ZNF385D: variants seen among roughly 807,000 people sequenced by gnomAD.
ZNF385D encodes the protein zinc finger protein 659.
In ZNF385D, 15 loss-of-function variants were observed where a neutral mutation model predicts 35.8. The observed-to-expected ratio is 0.42, with a 90% CI of 0.28 to 0.64. The LOEUF is 0.64. ZNF385D is among the 30% of genes least tolerant of loss of function. The pLI is 0.23. For missense variants in ZNF385D, 474 were observed against 494.6 expected (o/e 0.96, Z 0.39); for synonymous variants, 212 against 186.8 (o/e 1.13, Z -1.10).
chr3:22,204,228 C>T (rs1696997883), intron 2 of ZNF385D, among the ~76,000 whole-genome samples: 1 of 152,046 alleles, frequency 6.6e-6, no homozygotes, highest in Admixed American at 6.6e-5. Context: ...TCTTCTGGAT[C>T]TTATCCAAGA....
chr3:22,244,364 T>TAAAAAAAA (rs34497539), intron 2 of ZNF385D, among the ~76,000 whole-genome samples: 18 of 62,558 alleles, frequency 2.9e-4, no homozygotes, highest in Non-Finnish European at 4.1e-4. Context: ...CAACCGAATG[T>TAAAAAAAA]AAAAAAAAAA....
chr3:22,133,912 A>G (rs539805108), intron 3 of ZNF385D: 39 of 152,252 alleles, frequency 2.6e-4, no homozygotes, highest in African/African-American at 7.7e-4. Context: ...TGCCAGAAAA[A>G]AAAACAACCT....
intron 3 of ZNF385D, among the ~76,000 whole-genome samples, chr3:22,048,118 A>G (rs1203509300): frequency 6.6e-6 from 1 of 151,970 alleles, no homozygotes; most frequent in Non-Finnish European, 1.5e-5. Flanking sequence ...ATTGAGTTCC[A>G]TATATATTTT....
At chr3:21,750,608 G>C (rs1476966904) in intron 1 of ZNF385D, among the ~76,000 whole-genome samples, 1 of 152,034 alleles carries the variant, frequency 6.6e-6, no homozygotes, top group African/African-American at 2.4e-5. Flanking sequence ...CTAGCTAAAA[G>C]AGCCAACTTC....
At position 22,181,184 on chromosome 3, in the gene ZNF385D, A is replaced by G. The variant is rs541666956; in HGVS notation, c.107-12149T>C. Among the ~76,000 whole-genome samples the G allele has an allele frequency of 2.0e-5, 3 of 152,134 alleles. No homozygotes were observed. The South Asian group carries it at 6.2e-4, about 32-fold the overall frequency. On this transcript the variant is annotated intron_variant, in intron 2 of 5. Transcript: ENST00000494108. ...CTTTTACAGTTTTCTCCCTTTCACTATTAAAGGAGAAGAGCAGATACTAAC... is the reference window on the plus strand; with the variant it reads ...CTTTTACAGTTTTCTCCCTTTCACTGTTAAAGGAGAAGAGCAGATACTAAC...
chr3:21,926,420 T>A (rs1700731870), intron 3 of ZNF385D, among the ~76,000 whole-genome samples: 1 of 152,154 alleles, frequency 6.6e-6, no homozygotes, highest in Non-Finnish European at 1.5e-5. Flanking sequence ...TTCCTGAGAA[T>A]GATGGTTTCC....
intron 2 of ZNF385D, among the ~76,000 whole-genome samples, chr3:22,361,761 T>C (rs761657822): frequency 1.9e-4 from 29 of 152,004 alleles, no homozygotes; most frequent in Non-Finnish European, 3.8e-4. Flanking sequence ...CTATTTAATG[T>C]TGCCACCCAC....
chr3:21,997,872 C>CGCGTGT (rs1695577380), intron 3 of ZNF385D, among the ~76,000 whole-genome samples: 1 of 90,144 alleles, frequency 1.1e-5, no homozygotes, highest in South Asian at 4.0e-4. Flanking sequence ...CGCGCGCGCG[C>CGCGTGT]GTGTGTGTGT....
intron 3 of ZNF385D, among the ~76,000 whole-genome samples, chr3:21,799,142 T>C (rs897004875): frequency 1.3e-5 from 2 of 152,248 alleles, no homozygotes; most frequent in Non-Finnish European, 2.9e-5. Flanking sequence ...TTCATTCATT[T>C]TTGTGGCAGA....
Position 22,324,482 on chromosome 3 carries a change from AAAT to A in ZNF385D, c.106+47965_106+47967del, listed in dbSNP as rs1464599824. Among the ~76,000 whole-genome samples, 7 of 152,286 alleles carry A rather than the reference AAAT, an allele frequency of 4.6e-5. No homozygotes were observed. The South Asian group carries it at 6.2e-4, about 14-fold the overall frequency. On this transcript the variant is annotated intron_variant, in intron 2 of 5. Coordinates refer to the ZNF385D transcript ENST00000494108. Reference sequence around the variant, plus strand: ...ATTTATAGTAGCAACACAAAAGTATAAATAACAGAAATATGCACAACTTAGATG... The same window carrying A: ...ATTTATAGTAGCAACACAAAAGTATAAACAGAAATATGCACAACTTAGATG...
intron 1 of ZNF385D, among the ~76,000 whole-genome samples, chr3:21,673,753 A>G (rs1325280662): frequency 6.6e-6 from 1 of 152,146 alleles, no homozygotes; most frequent in African/African-American, 2.4e-5. Context: ...ATAATATCAC[A>G]TTTTTGAACC....
chr3:22,009,944 GA>G (rs540471691), intron 3 of ZNF385D, among the ~76,000 whole-genome samples: 2 of 151,506 alleles, frequency 1.3e-5, no homozygotes, highest in East Asian at 1.9e-4. Flanking sequence ...TGAAAAATAT[GA>G]AAAAAATGAT....
chr3:21,843,172 G>A (rs770056376), intron 3 of ZNF385D, among the ~76,000 whole-genome samples: 1 of 151,998 alleles, frequency 6.6e-6, no homozygotes, highest in African/African-American at 2.4e-5. Context: ...GACAATCATT[G>A]TGTGGGGCTC....
intron 2 of ZNF385D, among the ~76,000 whole-genome samples, chr3:22,247,660 C>G (rs1699858290): frequency 7.1e-6 from 1 of 140,380 alleles, no homozygotes; most frequent in Non-Finnish European, 1.5e-5. Flanking sequence ...TGGAGTCTCT[C>G]TCTCTGTCAC....
chr3:21,811,031 T>A, intron 3 of ZNF385D, among the ~76,000 whole-genome samples: 1 of 151,028 alleles, frequency 6.6e-6, no homozygotes, highest in Admixed American at 6.6e-5. Flanking sequence ...AAGTAATTAA[T>A]GTAATTAATG....
chr3:21,949,554 C>CTTTTTTTTT (rs372298558), intron 3 of ZNF385D, among the ~76,000 whole-genome samples: 2 of 112,912 alleles, frequency 1.8e-5, no homozygotes, highest in African/African-American at 6.7e-5. Flanking sequence ...TTCTTTCTTT[C>CTTTTTTTTT]TTTTTTTTTT....
At chr3:22,224,373 T>C (rs1698435006) in intron 2 of ZNF385D, among the ~76,000 whole-genome samples, 1 of 152,182 alleles carries the variant, frequency 6.6e-6, no homozygotes, top group African/African-American at 2.4e-5. Flanking sequence ...GTGTTGTAAA[T>C]ATCTGAGTTC....
At chr3:21,498,359 A>T (rs985410670) in intron 4 of ZNF385D, among the ~76,000 whole-genome samples, 87 of 152,166 alleles carry the variant, frequency 5.7e-4, no homozygotes, top group Non-Finnish European at 9.6e-4. Context: ...CAAAAAAAAA[A>T]TTTGACAAAT....
chr3:22,251,866 C>A (rs770401636), intron 2 of ZNF385D, among the ~76,000 whole-genome samples: 1 of 152,074 alleles, frequency 6.6e-6, no homozygotes, highest in African/African-American at 2.4e-5. Flanking sequence ...GAAACTCACA[C>A]AGCCTTTGAA....
Sources: gnomAD v4.1 joint callset for allele counts (sites outside exome capture counted in the v4.1 genomes callset) on GRCh38, gnomAD v4.1.1 for gene constraint, MANE v1.5 for transcripts, NCBI Gene and HGNC (gene_info 2026-07-23, HGNC 2026-07-21) for gene names.